CNPY1: variants seen among roughly 807,000 people sequenced by gnomAD.
CNPY1 encodes the protein protein canopy homolog 1.
CNPY1 carries 14 observed loss-of-function variants against 14.4 expected under a neutral mutation model. The ratio of observed to expected loss-of-function variants is 0.97; its 90% CI spans 0.64 to 1.52. The LOEUF (loss-of-function observed/expected upper bound fraction) is 1.52, where lower values mean the gene tolerates loss of function less well. Among genes scored for constraint, CNPY1 ranks in the 40% most tolerant of loss-of-function variants. CNPY1 has a pLI of 0.00. For missense variants in CNPY1, 129 were observed against 131.5 expected, an observed-to-expected ratio of 0.98 and a Z score of 0.09; for synonymous variants, 43 against 46.5, an observed-to-expected ratio of 0.92 and a Z score of 0.31.
chr7:155,538,224 T>C (rs538915897), intron 2 of CNPY1, among the ~76,000 whole-genome samples: 130 of 152,358 alleles, frequency 8.5e-4, no homozygotes, highest in African/African-American at 3.0e-3. Flanking sequence ...CAACAGCCCT[T>C]GCAAAACAAT....
intron 2 of CNPY1, among the ~76,000 whole-genome samples, chr7:155,515,954 C>T (rs73732797): frequency 0.024 from 3,660 of 152,150 alleles, 158 homozygotes; most frequent in African/African-American, 0.082. Context: ...GATCTCCTCC[C>T]GTGAGAAACA....
chr7:155,537,905 A>G (rs1797042089), intron 2 of CNPY1, among the ~76,000 whole-genome samples: 1 of 152,206 alleles, frequency 6.6e-6, no homozygotes, highest in Non-Finnish European at 1.5e-5. Context: ...TTTATTATAG[A>G]AAAAATTTTA....
intron 2 of CNPY1, among the ~76,000 whole-genome samples, chr7:155,526,513 T>C (rs959219697): frequency 6.6e-6 from 1 of 151,816 alleles, no homozygotes; most frequent in Non-Finnish European, 1.5e-5. Flanking sequence ...AGAGTTACTA[T>C]CCCCACATTC....
chr7:155,546,192 CT>C (rs5888630), intron 1 of CNPY1, among the ~76,000 whole-genome samples: 58,012 of 146,442 alleles, frequency 0.4, 11,422 homozygotes, highest in Middle Eastern at 0.51. Flanking sequence ...TTAAAATGTG[CT>C]TTTTTTTTTT....
intron 2 of CNPY1, among the ~76,000 whole-genome samples, chr7:155,531,000 G>A (rs370033024): frequency 6.7e-4 from 102 of 152,350 alleles, no homozygotes; most frequent in African/African-American, 2.2e-3. Flanking sequence ...CTCCTGGGAC[G>A]AAGGCTGTCT....
At chr7:155,512,547 A>G (rs1319928310) in intron 2 of CNPY1, among the ~76,000 whole-genome samples, 1 of 152,228 alleles carries the variant, frequency 6.6e-6, no homozygotes, top group Non-Finnish European at 1.5e-5. Context: ...TGGCTTCTCC[A>G]GAAGAGAAGA....
chr7:155,533,505 G>T (rs1796977588), intron 2 of CNPY1, among the ~76,000 whole-genome samples: 1 of 152,176 alleles, frequency 6.6e-6, no homozygotes, highest in African/African-American at 2.4e-5. Context: ...TGCACGCTCC[G>T]GCCCGCGCAG....
At chr7:155,506,568 C>A in intron 4 of CNPY1, 1 of 156,568 alleles carries the variant, frequency 6.4e-6, no homozygotes. Context: ...AACAAACAAA[C>A]AAACAAACAA....
chr7:155,515,535 T>C (rs1177996855), intron 2 of CNPY1, among the ~76,000 whole-genome samples: 1 of 152,076 alleles, frequency 6.6e-6, no homozygotes, highest in Non-Finnish European at 1.5e-5. Context: ...GCATCCCAGA[T>C]GCCCGACATG....
chr7:155,508,883 A>G lies in CNPY1; in HGVS notation c.303+11T>C. 6.2e-7 allele frequency: 1 copy of G among 1,612,896 alleles called. No homozygotes were observed. Among genetic ancestry groups the G allele is most frequent in the Non-Finnish European group, 8.5e-7 (1 of 1,179,712 alleles). On this transcript the variant is annotated intron_variant, in intron 3 of 4. Transcript: ENST00000636446. ...GGATCATACGATTCATCTGCAAGGA[A>G]GAGAGCTTACCGCAAATTTCAAAGG...
At chr7:155,528,285 C>A (rs1227029417) in intron 2 of CNPY1, among the ~76,000 whole-genome samples, 1 of 152,234 alleles carries the variant, frequency 6.6e-6, no homozygotes, top group East Asian at 1.9e-4. Flanking sequence ...CCAGCACTTT[C>A]TTTCATTGCT....
chr7:155,527,053 TC>T (rs1405987992), intron 2 of CNPY1, among the ~76,000 whole-genome samples: 5 of 63,530 alleles, frequency 7.9e-5, no homozygotes, highest in African/African-American at 3.0e-4. Context: ...TTTCTTTCTT[TC>T]TTTTTTTTTT....
chr7:155,532,298 T>G (rs1796950055), intron 2 of CNPY1, among the ~76,000 whole-genome samples: 1 of 152,150 alleles, frequency 6.6e-6, no homozygotes, highest in African/African-American at 2.4e-5. Flanking sequence ...CCAACTGTTC[T>G]TAAACAGCCT....
intron 2 of CNPY1, among the ~76,000 whole-genome samples, chr7:155,512,302 C>T (rs142270345): frequency 8.5e-5 from 13 of 152,290 alleles, no homozygotes; most frequent in African/African-American, 2.9e-4. Flanking sequence ...GAAAAATGAT[C>T]CATGATAATT....
chr7:155,535,358 T>C (rs1029891585), intron 2 of CNPY1, among the ~76,000 whole-genome samples: 33 of 152,054 alleles, frequency 2.2e-4, no homozygotes, highest in Admixed American at 9.8e-4. Flanking sequence ...GTTTGAACAC[T>C]TGGGAGAGGA....
intron 2 of CNPY1, among the ~76,000 whole-genome samples, chr7:155,540,292 T>G (rs1162300037): frequency 6.6e-6 from 1 of 152,214 alleles, no homozygotes; most frequent in Non-Finnish European, 1.5e-5. Flanking sequence ...AGTGCTCGGC[T>G]TTGCCAAAGC....
chr7:155,539,136 G>A lies in CNPY1; in HGVS notation c.99+6695C>T, dbSNP rs115494876. Among the ~76,000 whole-genome samples the A allele has an allele frequency of 9.8e-3, 1,490 of 152,322 alleles. 28 individuals carry two copies. The highest frequency in any genetic ancestry group is 0.034 in the African/African-American group (1,418 of 41,564). Reference sequence around the variant, plus strand: ...AAAGCTGTCACTGCTGTAATATGAGGATTCAGAGGAGATGTTCTGATTTTC... The same window carrying A: ...AAAGCTGTCACTGCTGTAATATGAGAATTCAGAGGAGATGTTCTGATTTTC... On this transcript the variant is annotated intron_variant, in intron 2 of 4. Coordinates refer to ENST00000636446, the MANE Select transcript of CNPY1 (RefSeq NM_001393663.1).
intron 2 of CNPY1, among the ~76,000 whole-genome samples, chr7:155,526,036 G>A (rs1158241): frequency 0.4 from 60,746 of 152,092 alleles, 12,343 homozygotes; most frequent in Non-Finnish European, 0.43. Flanking sequence ...GATTAAAAAT[G>A]TAATTAAGGA....
chr7:155,539,114 G>A (rs1194281478), intron 2 of CNPY1, among the ~76,000 whole-genome samples: 1 of 148,282 alleles, frequency 6.7e-6, no homozygotes, highest in African/African-American at 2.5e-5. Flanking sequence ...CTAAGCCAAA[G>A]CTGTCACTGC....
Sources: gnomAD v4.1 joint callset for allele counts (sites outside exome capture counted in the v4.1 genomes callset) on GRCh38, gnomAD v4.1.1 for gene constraint, MANE v1.5 for transcripts, NCBI Gene and HGNC (gene_info 2026-07-23, HGNC 2026-07-21) for gene names.